Variants in GSE1 observed in about 807,000 individuals in gnomAD.
The protein encoded by GSE1 is genetic suppressor element 1.
GSE1 carries 32 observed loss-of-function variants against 112.6 expected under a neutral mutation model. The ratio of observed to expected loss-of-function variants is 0.28; its 90% confidence interval spans 0.21 to 0.38. The LOEUF is 0.38. Among genes scored for constraint, GSE1 ranks in the 10% least tolerant of loss-of-function variants. The probability of loss-of-function intolerance (pLI) is 1.00; values close to 1 mark genes in which losing one functional copy is unlikely to be tolerated. For synonymous variants in GSE1, 1,115 were observed against 735.6 expected (o/e 1.52, Z -8.35); for missense variants, 2,348 against 1,699.2 (o/e 1.38, Z -6.71).
At chr16:85,287,276 C>T (rs747370516) in intron 1 of GSE1, among the ~76,000 whole-genome samples, 18 of 152,340 alleles carry the variant, frequency 1.2e-4, no homozygotes, top group South Asian at 6.2e-4. Context: ...GGTGGCCTTT[C>T]GGGCTGACGC....
At chr16:85,433,619 G>C (rs987143423) in intron 2 of GSE1, among the ~76,000 whole-genome samples, 2 of 125,862 alleles carry the variant, frequency 1.6e-5, no homozygotes, top group Admixed American at 7.5e-5. Flanking sequence ...TGGATGGATG[G>C]ATGGATGGAT....
chr16:85,528,638 T>TTTTTGTTTTGTTTTG (rs71151301), intron 2 of GSE1, among the ~76,000 whole-genome samples: 184 of 145,192 alleles, frequency 1.3e-3, no homozygotes, highest in Admixed American at 2.1e-3. Context: ...GGATTGCTGT[T>TTTTTGTTTTGTTTTG]TTTTGTTTTG....
At chr16:85,649,159 C>A (rs980949883) in intron 3 of GSE1, among the ~76,000 whole-genome samples, 1 of 152,128 alleles carries the variant, frequency 6.6e-6, no homozygotes. Flanking sequence ...CATAAGGACA[C>A]CAGTCAGCTG....
At chr16:85,332,086 G>C (rs986360243) in intron 1 of GSE1, among the ~76,000 whole-genome samples, 1 of 152,140 alleles carries the variant, frequency 6.6e-6, no homozygotes, top group Non-Finnish European at 1.5e-5. Context: ...GACTGCCCCA[G>C]GTCTGAAGTG....
intron 2 of GSE1, among the ~76,000 whole-genome samples, chr16:85,469,420 C>G (rs932569107): frequency 6.6e-6 from 1 of 152,152 alleles, no homozygotes; most frequent in Non-Finnish European, 1.5e-5. Flanking sequence ...CTGGAAGGGG[C>G]AGGAAGGACC....
intron 1 of GSE1, among the ~76,000 whole-genome samples, chr16:85,584,103 C>T (rs952199635): frequency 4.6e-5 from 7 of 152,230 alleles, no homozygotes; most frequent in Non-Finnish European, 7.3e-5. Context: ...CACAGGCTCG[C>T]CAGCTGCACA....
intron 2 of GSE1, among the ~76,000 whole-genome samples, chr16:85,439,152 G>A (rs1033930202): frequency 3.3e-5 from 5 of 152,212 alleles, no homozygotes; most frequent in Admixed American, 2.0e-4. Flanking sequence ...CCCGGGGGAC[G>A]TGCCCTGCCT....
chr16:85,289,621 TCTGCAGC>T (rs529414446), intron 1 of GSE1, among the ~76,000 whole-genome samples: 58 of 152,264 alleles, frequency 3.8e-4, no homozygotes, highest in African/African-American at 1.3e-3. Flanking sequence ...AGCTGGACCG[TCTGCAGC>T]CTGGCTTAGG....
At chr16:85,386,994 G>A (rs2047702303) in intron 2 of GSE1, among the ~76,000 whole-genome samples, 1 of 152,124 alleles carries the variant, frequency 6.6e-6, no homozygotes, top group Non-Finnish European at 1.5e-5. Flanking sequence ...CATCACACAG[G>A]GTCTTCTAGC....
intron 2 of GSE1, among the ~76,000 whole-genome samples, chr16:85,428,071 T>C (rs890113885): frequency 2.0e-5 from 3 of 152,192 alleles, no homozygotes; most frequent in East Asian, 1.9e-4. Flanking sequence ...ACCTGCTGCA[T>C]TGGACAGGAC....
intron 1 of GSE1, among the ~76,000 whole-genome samples, chr16:85,326,795 C>G (rs947742555): frequency 1.4e-4 from 21 of 152,196 alleles, no homozygotes; most frequent in Non-Finnish European, 7.3e-5. Flanking sequence ...TCAGCAAGCA[C>G]GTGTGGGCAC....
chr16:85,540,049 A>G (rs1233353577), intron 2 of GSE1, among the ~76,000 whole-genome samples: 2 of 152,198 alleles, frequency 1.3e-5, no homozygotes, highest in Non-Finnish European at 2.9e-5. Flanking sequence ...CTATAATTCC[A>G]GCTTCCAAAG....
At chr16:85,672,020 G>A (rs1016022372) in intron 15 of GSE1, 2 of 209,880 alleles carry the variant, frequency 9.5e-6, no homozygotes, top group African/African-American at 2.3e-5. Flanking sequence ...TCTTTTTGAG[G>A]CGAAGTCTCA....
At chr16:85,531,653 G>A (rs776376407) in intron 2 of GSE1, among the ~76,000 whole-genome samples, 27 of 152,182 alleles carry the variant, frequency 1.8e-4, no homozygotes, top group Non-Finnish European at 3.5e-4. Context: ...GTATGGCCTC[G>A]CCGGGATGTC....
At position 85,668,444 on chromosome 16, in the gene GSE1, G is replaced by T; in HGVS notation, c.3415+20G>T. On this transcript the variant is annotated intron_variant, in intron 14 of 15. Transcript: ENST00000253458. ...TAGAAGGTAAGGGGGTGCTGGGGAA[G>T]AGGGGGGAGGGGGTCAGGAAAGTAC... 6.8e-7 allele frequency: 1 copy of T among 1,473,356 alleles called. No homozygotes were observed. Among genetic ancestry groups the T allele is most frequent in the Non-Finnish European group, 9.3e-7 (1 of 1,076,462 alleles). 91.3% of individuals were successfully genotyped at this position (1,473,356 alleles called of 1,614,324 possible). A position where few individuals can be genotyped will look rare whatever the true frequency, so the allele number is the denominator to read the frequency against.
chr16:85,483,596 C>G (rs1216032904), intron 2 of GSE1, among the ~76,000 whole-genome samples: 2 of 152,292 alleles, frequency 1.3e-5, no homozygotes, highest in Non-Finnish European at 2.9e-5. Flanking sequence ...TGTCTCCGCC[C>G]TCTTGGTAGG....
chr16:85,653,595 G>A (rs949001175), intron 3 of GSE1, among the ~76,000 whole-genome samples: 17 of 151,786 alleles, frequency 1.1e-4, no homozygotes, highest in African/African-American at 9.7e-5. Flanking sequence ...TGGGACAGGC[G>A]AGCTGTTGCC....
chr16:85,182,289 G>C (rs1042093452), intron 1 of GSE1, among the ~76,000 whole-genome samples: 1 of 152,202 alleles, frequency 6.6e-6, no homozygotes, highest in African/African-American at 2.4e-5. Flanking sequence ...ACCCCAGGGC[G>C]TGCAGAATGG....
At chr16:85,362,649 G>A (rs2047105544) in intron 2 of GSE1, among the ~76,000 whole-genome samples, 1 of 152,160 alleles carries the variant, frequency 6.6e-6, no homozygotes, top group Non-Finnish European at 1.5e-5. Flanking sequence ...GCAAGGCTGT[G>A]CAGGTTGCAC....
Sources: gnomAD v4.1 joint callset for allele counts (sites outside exome capture counted in the v4.1 genomes callset) on GRCh38, gnomAD v4.1.1 for gene constraint, MANE v1.5 for transcripts, NCBI Gene and HGNC (gene_info 2026-07-23, HGNC 2026-07-21) for gene names.